FSD1L: variants seen among roughly 807,000 people sequenced by gnomAD.
FSD1L encodes the protein fibronectin type III and SPRY domain containing 1 like, also known as FSD1-like protein.
A neutral mutation model predicts 71.6 loss-of-function variants in FSD1L; 45 were observed. The observed-to-expected ratio is 0.63, with a 90% CI of 0.49 to 0.81. The LOEUF is 0.81. Ranked by LOEUF, FSD1L falls within the 30% of genes least tolerant of loss-of-function variation. FSD1L has a pLI of 0.00. For synonymous variants in FSD1L, 197 were observed against 207.2 expected (o/e 0.95, Z 0.42); for missense variants, 561 against 618.1 (o/e 0.91, Z 0.98).
intron 2 of FSD1L, among the ~76,000 whole-genome samples, chr9:105,463,521 T>G (rs989809404): frequency 6.6e-6 from 1 of 152,236 alleles, no homozygotes; most frequent in African/African-American, 2.4e-5. Flanking sequence ...TCCTCAGTTC[T>G]AGTCACATTT....
At chr9:105,470,463 C>G (rs1187516318) in intron 4 of FSD1L, among the ~76,000 whole-genome samples, 1 of 152,000 alleles carries the variant, frequency 6.6e-6, no homozygotes, top group Non-Finnish European at 1.5e-5. Context: ...AGGTCTCATG[C>G]TTTGTTGGTT....
chr9:105,539,804 C>A (rs773734182), intron 13 of FSD1L, among the ~76,000 whole-genome samples: 7 of 152,052 alleles, frequency 4.6e-5, no homozygotes, highest in Non-Finnish European at 8.8e-5. Context: ...GAGATTAATC[C>A]ATATTCTATG....
intron 3 of FSD1L, among the ~76,000 whole-genome samples, chr9:105,465,172 G>T (rs1375523920): frequency 6.6e-6 from 1 of 152,156 alleles, no homozygotes; most frequent in Non-Finnish European, 1.5e-5. Flanking sequence ...AGATAATCTG[G>T]TTGCTAGAAA....
intron 10 of FSD1L, chr9:105,521,130 T>C (rs1409583975): frequency 6.2e-7 from 1 of 1,613,688 alleles, no homozygotes; most frequent in Non-Finnish European, 8.5e-7. Flanking sequence ...AGCAATCTAT[T>C]GTACAAAGGA....
intron 5 of FSD1L, among the ~76,000 whole-genome samples, chr9:105,473,948 C>T (rs772818565): frequency 6.6e-6 from 1 of 152,190 alleles, no homozygotes; most frequent in Non-Finnish European, 1.5e-5. Flanking sequence ...TGCCACTTCG[C>T]TTATTCTTAC....
At chr9:105,521,747 G>A (rs1835174776) in intron 10 of FSD1L, 4 of 1,612,890 alleles carry the variant, frequency 2.5e-6, no homozygotes, top group Non-Finnish European at 3.4e-6. Context: ...ATTCCAGTTG[G>A]GCAAAAAACG....
intron 10 of FSD1L, chr9:105,520,907 A>G (rs1170727842): frequency 4.3e-6 from 7 of 1,612,128 alleles, no homozygotes; most frequent in Non-Finnish European, 5.1e-6. Context: ...TAAAATACAT[A>G]GTCATTCAGG....
chr9:105,544,495 C>T (rs1836847452), intron 13 of FSD1L, among the ~76,000 whole-genome samples: 1 of 152,088 alleles, frequency 6.6e-6, no homozygotes, highest in Non-Finnish European at 1.5e-5. Context: ...ACATGAAGTC[C>T]TTGCCCATGC....
intron 10 of FSD1L, chr9:105,521,286 T>G: frequency 1.2e-6 from 2 of 1,614,140 alleles, no homozygotes; most frequent in Non-Finnish European, 1.7e-6. Flanking sequence ...TAGTTTAGTA[T>G]CCAGAGAAGA....
At chr9:105,443,999 G>A (rs955797083), upstream of FSD1L, among the ~76,000 whole-genome samples, 1 of 152,104 alleles carries the variant, frequency 6.6e-6, no homozygotes, top group African/African-American at 2.4e-5. Flanking sequence ...TAAGACTCAG[G>A]CCAGATATAG....
At chr9:105,483,936 C>T (rs955907343) in intron 6 of FSD1L, among the ~76,000 whole-genome samples, 1 of 152,014 alleles carries the variant, frequency 6.6e-6, no homozygotes, top group South Asian at 2.1e-4. Flanking sequence ...TGGGATAGCT[C>T]TTATTACTAG....
intron 7 of FSD1L, among the ~76,000 whole-genome samples, chr9:105,494,014 A>T (rs1376359648): frequency 6.6e-6 from 1 of 152,154 alleles, no homozygotes; most frequent in South Asian, 2.1e-4. Context: ...TCTTTGTGTC[A>T]TTCTCTGTAT....
chr9:105,477,736 C>T (rs1443131858), intron 5 of FSD1L, among the ~76,000 whole-genome samples: 3 of 152,106 alleles, frequency 2.0e-5, no homozygotes, highest in South Asian at 2.1e-4. Context: ...ATTAAATTAA[C>T]TTTTTAAACA....
At chr9:105,532,108 C>T (rs867216353) in intron 10 of FSD1L, among the ~76,000 whole-genome samples, 2 of 152,200 alleles carry the variant, frequency 1.3e-5, no homozygotes, top group South Asian at 2.1e-4. Flanking sequence ...TTGAGTTCAG[C>T]ACATGGTTTA....
intron 5 of FSD1L, among the ~76,000 whole-genome samples, chr9:105,475,337 T>C (rs1158864171): frequency 6.6e-6 from 1 of 152,162 alleles, no homozygotes; most frequent in East Asian, 1.9e-4. Flanking sequence ...TCTTCTGCAT[T>C]TGATCACAGC....
intron 10 of FSD1L, chr9:105,521,828 G>A: frequency 4.3e-6 from 7 of 1,612,468 alleles, no homozygotes; most frequent in Non-Finnish European, 5.9e-6. Context: ...CTGGTACCCA[G>A]GCAGTTTTGC....
Position 105,479,342 on chromosome 9 carries a change from A to G in FSD1L, c.442-12A>G, listed in dbSNP as rs766151742. ...ACTTGCCTTCTTTCTCTTCTCCCTG[A>G]TTGGCTCCAAGGCTGCCAGACAGAT... is the stretch of plus-strand genomic sequence containing the variant. On this transcript the variant is annotated splice_polypyrimidine_tract_variant and intron_variant, in intron 5 of 13. Coordinates refer to ENST00000481272, the MANE Select transcript of FSD1L (RefSeq NM_001145313.3). 1 of 1,550,604 alleles carries G rather than the reference A, an allele frequency of 6.4e-7. No homozygotes were observed.
intron 8 of FSD1L, 73 bp downstream of exon 8, chr9:105,506,681 TTAAAGAA>T: frequency 8.8e-7 from 1 of 1,138,222 alleles, no homozygotes; most frequent in Non-Finnish European, 1.3e-6. Context: ...TTGAGTTACT[TTAAAGAA>T]TAAAGTTTTA....
chr9:105,521,090 C>G, intron 10 of FSD1L: 5 of 1,613,634 alleles, frequency 3.1e-6, no homozygotes, highest in Non-Finnish European at 4.2e-6. Context: ...CACATTATGT[C>G]ATGATAAAGA....
Sources: allele counts gnomAD v4.1 joint callset (sites outside exome capture counted in the v4.1 genomes callset), GRCh38; gene constraint gnomAD v4.1.1; transcripts MANE v1.5; gene names NCBI Gene and HGNC (gene_info 2026-07-23, HGNC 2026-07-21).